The following ADAMTSL3 variants were observed in gnomAD, a reference collection of about 807,000 sequenced individuals.
The protein encoded by ADAMTSL3 is ADAMTS like 3, also known as ADAMTS-like protein 3.
Under a neutral mutation model 201.7 loss-of-function variants are expected in ADAMTSL3, and 128 were observed. The observed-to-expected ratio is 0.63, with a 90% CI of 0.55 to 0.73. The LOEUF (loss-of-function observed/expected upper bound fraction) is 0.73. Among genes scored for constraint, ADAMTSL3 ranks in the 30% least tolerant of loss-of-function variants. The probability of loss-of-function intolerance (pLI) is 0.00; values close to 1 mark genes in which losing one functional copy is unlikely to be tolerated. For synonymous variants in ADAMTSL3, 738 were observed against 748.4 expected (o/e 0.99, Z 0.23); for missense variants, 1,990 against 2,119.6 (o/e 0.94, Z 1.20).
intron 23 of ADAMTSL3, among the ~76,000 whole-genome samples, chr15:83,993,506 A>G (rs1305027645): frequency 6.6e-6 from 1 of 152,168 alleles, no homozygotes; most frequent in Non-Finnish European, 1.5e-5. Context: ...TTTCCCACTA[A>G]TTGTAATGAA....
At chr15:83,970,438 G>A in intron 19 of ADAMTSL3, 46 bp from the exon 20 acceptor site, 1 of 1,610,458 alleles carries the variant, frequency 6.2e-7, no homozygotes, top group South Asian at 1.1e-5. Context: ...GGCTGGGTCT[G>A]CCTGCTCATG....
At position 83,942,668 on chromosome 15, in the gene ADAMTSL3, C is replaced by T. The variant is rs2066583091; in HGVS notation, c.2190C>T (p.Cys730=). 4 of 1,614,072 alleles carry T rather than the reference C, an allele frequency of 2.5e-6. No individual in the cohort carries two copies. The highest frequency in any genetic ancestry group is 1.3e-5 in the African/African-American group (1 of 75,020). The change falls in exon 18 of 30, where the codon TGC becomes TGT. Residue 730 remains cysteine (C), a synonymous_variant. Transcript: ENST00000286744. ...GVGIQTRDVY[C]LHPGETPAPP... is the part of the protein sequence containing the mutation. ...GAATTCAGACCCGAGATGTGTACTG[C>T]CTGCACCCAGGGGAGACCCCTGCCC...
chr15:83,972,154 A>G (rs1347839863), intron 20 of ADAMTSL3, among the ~76,000 whole-genome samples: 1 of 152,178 alleles, frequency 6.6e-6, no homozygotes, highest in African/African-American at 2.4e-5. Context: ...TAGAAAAGGC[A>G]TGAGACTTGC....
chr15:84,021,343 A>G, intron 25 of ADAMTSL3, 67 bp from the exon 26 acceptor site: 1 of 1,577,828 alleles, frequency 6.3e-7, no homozygotes, highest in South Asian at 1.1e-5. Context: ...GTTTTTGGCC[A>G]TGTCTTCTCC....
At chr15:83,743,219 T>G (rs564253250) in intron 3 of ADAMTSL3, among the ~76,000 whole-genome samples, 65 of 152,340 alleles carry the variant, frequency 4.3e-4, no homozygotes, top group Non-Finnish European at 7.9e-4. Context: ...TGTCTAACAT[T>G]TACTTTTTCT....
chr15:83,685,567 T>C (rs534845901), intron 2 of ADAMTSL3, among the ~76,000 whole-genome samples: 1 of 152,358 alleles, frequency 6.6e-6, no homozygotes, highest in East Asian at 1.9e-4. Flanking sequence ...TCTTATATTT[T>C]CTTCTAAATG....
At chr15:84,020,476 C>T (rs567751351) in intron 25 of ADAMTSL3, among the ~76,000 whole-genome samples, 98 of 152,262 alleles carry the variant, frequency 6.4e-4, no homozygotes, top group Non-Finnish European at 1.0e-3. Flanking sequence ...AACTGTATTC[C>T]TGAGTGTCCA....
chr15:84,025,253 G>C lies in ADAMTSL3; in HGVS notation c.4473G>C (p.Val1491=), dbSNP rs1433683647. 3.1e-6 allele frequency: 5 copies of C among 1,606,996 alleles called. No individual in the cohort carries two copies. The African/African-American group carries it at 6.7e-5, about 21-fold the overall frequency. ...TTGTTCCTAGGTGGTTCACAAGTGT[G>C]TGGTCACAGTGCTCTGTGTCTTGCG... ...RDCPARWFTS[V]WSQCSVSCGE... is the part of the protein sequence containing the mutation. Residue 1491 remains valine, a synonymous_variant, in exon 27 of 30, where the codon GTG becomes GTC. Coordinates refer to ENST00000286744, the MANE Select transcript of ADAMTSL3 (RefSeq NM_207517.3).
intron 7 of ADAMTSL3, among the ~76,000 whole-genome samples, chr15:83,841,207 A>G (rs1023895259): frequency 1.3e-5 from 2 of 152,228 alleles, no homozygotes; most frequent in African/African-American, 4.8e-5. Context: ...ATAATTCCCA[A>G]AGTTCTCTTC....
chr15:84,004,559 G>T (rs1432649980), intron 23 of ADAMTSL3, among the ~76,000 whole-genome samples: 1 of 152,104 alleles, frequency 6.6e-6, no homozygotes, highest in Non-Finnish European at 1.5e-5. Flanking sequence ...GAATTAACCA[G>T]GAGTGAGTAA....
At chr15:83,784,440 A>G (rs1005976128) in intron 4 of ADAMTSL3, among the ~76,000 whole-genome samples, 1 of 152,218 alleles carries the variant, frequency 6.6e-6, no homozygotes, top group Non-Finnish European at 1.5e-5. Flanking sequence ...ATGTATAGCA[A>G]TAATCACCTA....
chr15:83,991,035 A>G, intron 22 of ADAMTSL3, 51 bp from the exon 23 acceptor site: 1 of 1,610,610 alleles, frequency 6.2e-7, no homozygotes, highest in Non-Finnish European at 8.5e-7. Context: ...ATGTTTTACC[A>G]AAGAGCAAAA....
At chr15:83,904,260 G>C (rs973391202) in intron 15 of ADAMTSL3, among the ~76,000 whole-genome samples, 4 of 151,792 alleles carry the variant, frequency 2.6e-5, no homozygotes, top group Admixed American at 6.6e-5. Flanking sequence ...TTTCTGGCCT[G>C]GTCCTGGCCA....
intron 3 of ADAMTSL3, among the ~76,000 whole-genome samples, chr15:83,750,661 C>T (rs557290439): frequency 6.6e-6 from 1 of 152,188 alleles, no homozygotes; most frequent in South Asian, 2.1e-4. Flanking sequence ...AAGTGATTCT[C>T]CTGCCTCAGC....
chr15:83,844,467 A>G (rs1387344822), intron 7 of ADAMTSL3, among the ~76,000 whole-genome samples: 6 of 152,226 alleles, frequency 3.9e-5, no homozygotes, highest in Non-Finnish European at 8.8e-5. Context: ...GGTAACATGA[A>G]TTGGTTTTCA....
rs2065386545 is a variant in ADAMTSL3, at chr15:83,886,181, G to A, written c.1072+969G>A. On this transcript the variant is annotated intron_variant, in intron 10 of 29. Transcript: ENST00000286744. ...GGCAACTCTCTGGAGCAAATTAGGA[G>A]GCAACTAGAGCTACTGTCAAAATAA... 1.3e-5 allele frequency among the ~76,000 whole-genome samples: 2 copies of A among 152,168 alleles called. 1 individual carries two copies. The highest frequency in any genetic ancestry group is 4.1e-4 in the South Asian group (2 of 4,822).
At chr15:83,761,823 A>G (rs1596157938) in intron 3 of ADAMTSL3, among the ~76,000 whole-genome samples, 1 of 152,354 alleles carries the variant, frequency 6.6e-6, no homozygotes, top group East Asian at 1.9e-4. Flanking sequence ...GTCTCTTGCT[A>G]CAATCTGAGA....
Position 83,838,141 on chromosome 15 carries a change from G to A in ADAMTSL3, c.653G>A (p.Gly218Glu). The change falls in exon 7 of 30, where the codon GGA (glycine) becomes GAA (glutamate). Residue 218 changes from glycine to glutamate, a missense_variant. Transcript: ENST00000286744. Reference sequence around the variant, plus strand: ...AGCAATGCCAAGGAGGACAACTGTGGAGTCTGTGCCGGCGATGGCTCCACC... The same window carrying A: ...AGCAATGCCAAGGAGGACAACTGTGAAGTCTGTGCCGGCGATGGCTCCACC... ...LGSNAKEDNC[G>E]VCAGDGSTCR... The A allele has an allele frequency of 6.2e-7, 1 of 1,613,410 alleles. No individual in the cohort carries two copies. Among genetic ancestry groups the A allele is most frequent in the Non-Finnish European group, 8.5e-7 (1 of 1,179,750 alleles).
intron 4 of ADAMTSL3, among the ~76,000 whole-genome samples, chr15:83,795,081 T>G (rs1236101452): frequency 6.6e-6 from 1 of 152,150 alleles, no homozygotes; most frequent in African/African-American, 2.4e-5. Context: ...CTCGAACTCC[T>G]GACCTCAAGT....
Sources: gnomAD v4.1 joint callset for allele counts (sites outside exome capture counted in the v4.1 genomes callset) on GRCh38, gnomAD v4.1.1 for gene constraint, MANE v1.5 for transcripts, NCBI Gene and HGNC (gene_info 2026-07-23, HGNC 2026-07-21) for gene names.